Variants in GLS observed in about 807,000 individuals in gnomAD.
The protein encoded by GLS is glutaminase, also known as glutaminase kidney isoform, mitochondrial.
GLS carries 36 observed loss-of-function variants against 86.7 expected under a neutral mutation model. The ratio of observed to expected loss-of-function variants is 0.42; its 90% CI spans 0.32 to 0.55. GLS has a LOEUF of 0.55. GLS is among the 20% of genes least tolerant of loss of function. The pLI, the probability that GLS is intolerant of heterozygous loss-of-function variation, is 0.17. For missense variants in GLS, 528 were observed against 833.4 expected, an observed-to-expected ratio of 0.63 and a Z score of 4.51; for synonymous variants, 317 against 305.9, an observed-to-expected ratio of 1.04 and a Z score of -0.38.
At chr2:190,931,796 C>A (rs1423844398) in intron 14 of GLS, among the ~76,000 whole-genome samples, 159 bp downstream of exon 14, 1 of 151,800 alleles carries the variant, frequency 6.6e-6, no homozygotes, top group African/African-American at 2.4e-5. Context: ...TCCGGGATCA[C>A]CAGTATTAAA....
Position 190,924,484 on chromosome 2 carries a change from C to A in GLS, c.1198-59C>A. 1 of 852,094 alleles carries A rather than the reference C, an allele frequency of 1.2e-6. No individual in the cohort carries two copies. 52.8% of individuals were successfully genotyped at this position (852,094 alleles called of 1,614,324 possible). On this transcript the variant is annotated intron_variant, in intron 10 of 17. Coordinates refer to ENST00000320717, the MANE Select transcript of GLS (RefSeq NM_014905.5). This position sits in a 1 kb window ranked among gnomAD's most constrained non-coding sequence, Gnocchi z 5.2. ...TACATTTGAAATTTTTCATATATTT[C>A]TCTACTTATGTGCATTCCTGTGTGC...
At chr2:190,929,844 A>G (rs1157811438) in intron 12 of GLS, among the ~76,000 whole-genome samples, 1 of 150,450 alleles carries the variant, frequency 6.6e-6, no homozygotes, top group African/African-American at 2.4e-5. Context: ...TATGGTATGT[A>G]TATATATATA....
At chr2:190,918,202 T>C (rs951256250) in intron 7 of GLS, among the ~76,000 whole-genome samples, 2 of 152,240 alleles carry the variant, frequency 1.3e-5, no homozygotes, top group African/African-American at 4.8e-5. Flanking sequence ...ATGTCATCTT[T>C]CAATAAAAGG....
At chr2:190,928,892 G>GTTTTTTTTTTT (rs367999647) in intron 12 of GLS, among the ~76,000 whole-genome samples, 1 of 12,826 alleles carries the variant, frequency 7.8e-5, no homozygotes, top group African/African-American at 3.1e-4. Context: ...ATTCAGGTGT[G>GTTTTTTTTTTT]TTTTTTTTTT....
intron 11 of GLS, among the ~76,000 whole-genome samples, chr2:190,926,523 C>T (rs933677876): frequency 6.6e-4 from 101 of 152,034 alleles, no homozygotes; most frequent in African/African-American, 2.1e-3. Context: ...TTTTTGACCC[C>T]GTCTCATCCC....
rs1359414530 is a variant in GLS at position 190,953,715 on chromosome 2, C to G, written c.1712+89C>G. The G allele has an allele frequency of 1.1e-6, 1 of 884,268 alleles. No individual in the cohort carries two copies. Among genetic ancestry groups the G allele is most frequent in the African/African-American group, 1.7e-5 (1 of 59,992 alleles). The allele number at this position is 884,268 out of a possible 1,614,324, so 54.8% of individuals were successfully genotyped here. On this transcript the variant is annotated intron_variant, in intron 15 of 17. Coordinates refer to ENST00000320717, the MANE Select transcript of GLS (RefSeq NM_014905.5). The surrounding 1 kb of genome is among the most constrained non-coding windows in gnomAD (Gnocchi z 4.0). ...CAGCCATTTTAAGGTTAAAGTCTCA[C>G]TTTTCTTTCCCTTTGATAAAAATGA...
In GLS at chr2:190,953,695, A is replaced by AT; in HGVS notation, c.1712+73dup. Reference sequence around the variant, plus strand: ...TGAAGTTGCTTCTGGGCGAGCAGCCATTTTAAGGTTAAAGTCTCACTTTTC... The same window carrying AT: ...TGAAGTTGCTTCTGGGCGAGCAGCCATTTTTAAGGTTAAAGTCTCACTTTTC... On this transcript the variant is annotated intron_variant, in intron 15 of 17. Transcript: ENST00000320717. This position sits in a 1 kb window ranked among gnomAD's most constrained non-coding sequence, Gnocchi z 4.0. The AT allele has an allele frequency of 1.9e-6, 2 of 1,078,642 alleles. No individual in the cohort carries two copies. The highest frequency in any genetic ancestry group is 2.8e-6 in the Non-Finnish European group (2 of 708,654). The allele number at this position is 1,078,642 out of a possible 1,614,324, so 66.8% of individuals were successfully genotyped here.
chr2:190,881,581 A>G (rs1574551102), intron 1 of GLS, 111 bp downstream of exon 1: 2 of 1,037,036 alleles, frequency 1.9e-6, no homozygotes, highest in Non-Finnish European at 2.7e-6. Flanking sequence ...AGAAAAGAGA[A>G]AGAAAGAGGT....
chr2:190,893,167 G>C (rs145523667), intron 1 of GLS, among the ~76,000 whole-genome samples: 1 of 152,292 alleles, frequency 6.6e-6, no homozygotes, highest in East Asian at 1.9e-4. Flanking sequence ...ATATTAGGTG[G>C]TGAGTATTGT....
intron 13 of GLS, among the ~76,000 whole-genome samples, chr2:190,931,014 G>A (rs575478328): frequency 6.6e-6 from 1 of 152,062 alleles, no homozygotes; most frequent in Non-Finnish European, 1.5e-5. Context: ...TTTTTAAACT[G>A]TTACTGCTCT....
chr2:190,945,011 T>G lies in GLS; in HGVS notation c.1651-8554T>G, dbSNP rs1016333689. Among the ~76,000 whole-genome samples, 5 of 152,328 alleles carry G rather than the reference T, an allele frequency of 3.3e-5. No homozygotes were observed. The South Asian group carries it at 1.0e-3, about 32-fold the overall frequency. ...TTTCCTATCACAACATATTTCTGTC[T>G]TGGTATTGTATTATTGAGGAAGTCC... is the stretch of plus-strand genomic sequence containing the variant. On this transcript the variant is annotated intron_variant, in intron 14 of 17. Coordinates refer to ENST00000320717, the MANE Select transcript of GLS (RefSeq NM_014905.5).
Position 190,913,494 on chromosome 2 carries a change from T to A in GLS, c.1038+3173T>A, listed in dbSNP as rs1689425400. 2.0e-6 allele frequency: 2 copies of A among 988,408 alleles called. No individual in the cohort carries two copies. The highest frequency in any genetic ancestry group is 3.5e-5 in the African/African-American group (2 of 56,980). 61.2% of individuals were successfully genotyped at this position (988,408 alleles called of 1,614,324 possible). A position where few individuals can be genotyped will look rare whatever the true frequency, so the allele number is the denominator to read the frequency against. On this transcript the variant is annotated intron_variant, in intron 7 of 17. Coordinates refer to ENST00000320717, the MANE Select transcript of GLS (RefSeq NM_014905.5). The surrounding 1 kb of genome is among the most constrained non-coding windows in gnomAD (Gnocchi z 6.1). ...ACTAACTTTAAAGGAATACTTTTTG[T>A]TGTAATCTGTTTTATTTGGGATTGT...
At position 190,915,469 on chromosome 2, in the gene GLS, T is replaced by C. The variant is rs564006191; in HGVS notation, c.1038+5148T>C. 1.0e-3 allele frequency among the ~76,000 whole-genome samples: 158 copies of C among 152,250 alleles called. 1 individual carries two copies. The highest frequency in any genetic ancestry group is 3.7e-3 in the African/African-American group (153 of 41,532). ...TTCTACTGTATTTACTACAAATGAT[T>C]ATAGCTTTTTCAAAAATAATACAGT... is the stretch of plus-strand genomic sequence containing the variant. On this transcript the variant is annotated intron_variant, in intron 7 of 17. Transcript: ENST00000320717.
chr2:190,913,392 A>G lies in GLS; in HGVS notation c.1038+3071A>G. On this transcript the variant is annotated intron_variant, in intron 7 of 17. Transcript: ENST00000320717. The surrounding 1 kb of genome is among the most constrained non-coding windows in gnomAD (Gnocchi z 6.1). Reference sequence around the variant, plus strand: ...AAATACCTTTTTAAAAACAAATGTAATTTTATACTTAAAATGCACATAATT... The same window carrying G: ...AAATACCTTTTTAAAAACAAATGTAGTTTTATACTTAAAATGCACATAATT... The G allele has an allele frequency of 1.0e-6, 1 of 973,836 alleles. No homozygotes were observed. Among genetic ancestry groups the G allele is most frequent in the Non-Finnish European group, 1.3e-6 (1 of 767,536 alleles). 60.3% of individuals were successfully genotyped at this position (973,836 alleles called of 1,614,324 possible).
At position 190,921,136 on chromosome 2, in the gene GLS, G is replaced by A; in HGVS notation, c.1072-9G>A. On this transcript the variant is annotated splice_polypyrimidine_tract_variant and intron_variant, in intron 8 of 17. Transcript: ENST00000320717. This position sits in a 1 kb window ranked among gnomAD's most constrained non-coding sequence, Gnocchi z 4.2. ...TTGATTACTAATATTCCCTACTTTT[G>A]GTTTCTAGGTCATGCAGTTTTTGAA... 1 of 1,602,274 alleles carries A rather than the reference G, an allele frequency of 6.2e-7. No individual in the cohort carries two copies. Among genetic ancestry groups the A allele is most frequent in the Non-Finnish European group, 8.5e-7 (1 of 1,169,970 alleles).
intron 7 of GLS, 101 bp downstream of exon 7, chr2:190,910,422 A>G (rs767154581): frequency 9.7e-6 from 6 of 616,632 alleles, no homozygotes; most frequent in Non-Finnish European, 1.7e-5. Context: ...ATTATGAAAA[A>G]TTTTCTCTTG....
intron 14 of GLS, among the ~76,000 whole-genome samples, chr2:190,941,625 G>A (rs1184666952): frequency 6.6e-6 from 1 of 152,112 alleles, no homozygotes; most frequent in Non-Finnish European, 1.5e-5. Flanking sequence ...GTAATACAGT[G>A]TGTAAGTTTT....
intron 14 of GLS, among the ~76,000 whole-genome samples, chr2:190,941,124 G>A (rs538458467): frequency 3.9e-5 from 6 of 152,228 alleles, no homozygotes; most frequent in East Asian, 1.9e-4. Flanking sequence ...GCCAGAAACC[G>A]TGAAGTGTTT....
At position 190,963,228 on chromosome 2, in the gene GLS, A is replaced by T. The variant is rs1691044598; in HGVS notation, c.*242A>T. 3.0e-6 allele frequency: 1 copy of T among 335,184 alleles called. No homozygotes were observed. Among genetic ancestry groups the T allele is most frequent in the Non-Finnish European group, 5.5e-6 (1 of 182,738 alleles). 20.8% of individuals were successfully genotyped at this position (335,184 alleles called of 1,614,324 possible). A position where few individuals can be genotyped will look rare whatever the true frequency, so the allele number is the denominator to read the frequency against. ...TCGTGCATTGTATAATTTGATGTAA[A>T]AGAAATAGTTACCAATGCTAGCTTG... On this transcript the variant is annotated 3_prime_UTR_variant, in exon 18 of 18. Transcript: ENST00000320717.
Sources: gnomAD v4.1 joint callset for allele counts (sites outside exome capture counted in the v4.1 genomes callset) on GRCh38, gnomAD v4.1.1 for gene constraint, Gnocchi (gnomAD v3.1) non-coding constraint, MANE v1.5 for transcripts, NCBI Gene and HGNC (gene_info 2026-07-23, HGNC 2026-07-21) for gene names.